DMD: variants seen among roughly 807,000 people sequenced by gnomAD.
The protein encoded by DMD is mutant dystrophin.
Under a neutral mutation model 330.1 loss-of-function variants are expected in DMD, and 63 were observed. The observed-to-expected ratio is 0.19, with a 90% CI of 0.16 to 0.24. The LOEUF is 0.24. Among genes scored for constraint, DMD ranks in the 10% least tolerant of loss-of-function variants. The probability of loss-of-function intolerance (pLI) is 1.00; values close to 1 mark genes in which losing one functional copy is unlikely to be tolerated. For missense variants in DMD, 3,344 were observed against 2,684.1 expected, an observed-to-expected ratio of 1.25 and a Z score of -5.43; for synonymous variants, 1,223 against 959.8, an observed-to-expected ratio of 1.27 and a Z score of -5.07.
rs762841726 is a variant in DMD at position 32,360,613 on chromosome X, C to G, written c.5325+2175G>C. Among the ~76,000 whole-genome samples the G allele has an allele frequency of 1.8e-4, 20 of 109,574 alleles. No homozygotes were observed. In the Admixed American group the frequency reaches 2.0e-3, roughly 11 times the overall value. On this transcript the variant is annotated intron_variant, in intron 37 of 78. Coordinates refer to ENST00000357033, the MANE Select transcript of DMD (RefSeq NM_004006.3). ...GACCAGCCTGGCCAACGTGGTGAAACCCCGTCTCTGCCAAAATACAAAAAT... is the reference window on the plus strand; with the variant it reads ...GACCAGCCTGGCCAACGTGGTGAAAGCCCGTCTCTGCCAAAATACAAAAAT...
intron 44 of DMD, among the ~76,000 whole-genome samples, chrX:32,002,301 T>G (rs1569529956): frequency 8.9e-6 from 1 of 111,938 alleles, no homozygotes; most frequent in Non-Finnish European, 1.9e-5. Context: ...TATAAGTGTC[T>G]GCAAAAATAA....
intron 15 of DMD, among the ~76,000 whole-genome samples, chrX:32,569,661 G>A (rs1445526613): frequency 1.8e-5 from 2 of 111,611 alleles, no homozygotes; most frequent in African/African-American, 6.5e-5. Context: ...TGAGGTAAAG[G>A]TAGCAAGTCA....
intron 7 of DMD, among the ~76,000 whole-genome samples, chrX:32,725,228 C>G (rs996073380): frequency 9.9e-5 from 11 of 111,105 alleles, no homozygotes; most frequent in Middle Eastern, 4.6e-3. Context: ...CTAGATTTGA[C>G]AGTATGGCTT....
rs377615262 is a variant in DMD at position 32,132,993 on chromosome X, C to CTTT, written c.6438+83920_6438+83922dup. Among the ~76,000 whole-genome samples the CTTT allele has an allele frequency of 6.2e-4, 47 of 75,943 alleles. 2 individuals are homozygous for CTTT. The highest frequency in any genetic ancestry group is 2.3e-3 in the African/African-American group (34 of 14,523). 65.9% of individuals were successfully genotyped at this position (75,943 alleles called of 115,157 possible). On this transcript the variant is annotated intron_variant, in intron 44 of 78. Transcript: ENST00000357033. ...TCTCATTGATCACTCCTTTTCTTTT[C>CTTT]TTTTTTTTTTTTTTTTTTTTTTTTT...
chrX:32,807,639 C>A (rs993139530), intron 7 of DMD, among the ~76,000 whole-genome samples: 3 of 111,029 alleles, frequency 2.7e-5, no homozygotes, highest in African/African-American at 9.8e-5. Context: ...ATTCATGTAC[C>A]TGCCTTTTTC....
intron 2 of DMD, among the ~76,000 whole-genome samples, chrX:33,017,479 C>T (rs771825521): frequency 9.2e-6 from 1 of 109,252 alleles, no homozygotes; most frequent in South Asian, 3.8e-4. Flanking sequence ...GTCTAATTTA[C>T]CACACAGACA....
At chrX:32,786,084 AGAGT>A (rs1414581979) in intron 7 of DMD, among the ~76,000 whole-genome samples, 2 of 81,829 alleles carry the variant, frequency 2.4e-5, no homozygotes, top group Non-Finnish European at 4.5e-5. Context: ...AGGAGGAATA[AGAGT>A]GTGTGTGTGT....
intron 43 of DMD, among the ~76,000 whole-genome samples, chrX:32,273,616 C>T (rs368370205): frequency 2.1e-4 from 23 of 109,947 alleles, no homozygotes; most frequent in African/African-American, 6.3e-4. Flanking sequence ...GCCAATGAAG[C>T]GTAAGTGGAA....
At chrX:31,965,456 G>C (rs2095342753) in intron 45 of DMD, among the ~76,000 whole-genome samples, 1 of 111,919 alleles carries the variant, frequency 8.9e-6, no homozygotes, top group South Asian at 3.7e-4. Flanking sequence ...ACTGTAATGA[G>C]ATGTGTACAT....
chrX:31,562,658 T>G (rs969099711), intron 55 of DMD, among the ~76,000 whole-genome samples: 1 of 112,333 alleles, frequency 8.9e-6, no homozygotes, highest in Non-Finnish European at 1.9e-5. Flanking sequence ...TAAAAAATAT[T>G]AATTTAATTA....
chrX:32,697,263 A>G lies in DMD; in HGVS notation c.960+607T>C, dbSNP rs1014626901. 5.4e-5 allele frequency among the ~76,000 whole-genome samples: 6 copies of G among 111,835 alleles called. No homozygotes were observed. The Admixed American group carries it at 5.7e-4, about 11-fold the overall frequency. Reference sequence around the variant, plus strand: ...GAAAACTCCACTGAGTCTTCCTCATATAGAAAGTACTAAACATTGCCGAGA... The same window carrying G: ...GAAAACTCCACTGAGTCTTCCTCATGTAGAAAGTACTAAACATTGCCGAGA... On this transcript the variant is annotated intron_variant, in intron 9 of 78. Coordinates refer to ENST00000357033, the MANE Select transcript of DMD (RefSeq NM_004006.3).
intron 55 of DMD, among the ~76,000 whole-genome samples, chrX:31,570,691 T>A (rs1373903652): frequency 1.4e-4 from 1 of 7,405 alleles, no homozygotes; most frequent in Non-Finnish European, 1.8e-4. Context: ...TTGTTTATCT[T>A]ATGTTATTAA....
intron 44 of DMD, among the ~76,000 whole-genome samples, chrX:32,197,213 T>C (rs745589161): frequency 9.1e-6 from 1 of 110,445 alleles, no homozygotes; most frequent in South Asian, 3.9e-4. Flanking sequence ...TATATATTTG[T>C]AGGGTACATG....
intron 44 of DMD, among the ~76,000 whole-genome samples, chrX:31,986,119 CACT>C (rs1403950352): frequency 9.0e-6 from 1 of 111,451 alleles, no homozygotes; most frequent in East Asian, 2.8e-4. Flanking sequence ...CAAGGATGTT[CACT>C]GCAGTGACCA....
chrX:32,789,487 C>T (rs900455115), intron 7 of DMD, among the ~76,000 whole-genome samples: 1 of 112,079 alleles, frequency 8.9e-6, no homozygotes, highest in African/African-American at 3.2e-5. Context: ...GCTGATGTCA[C>T]AGCCCGTCCT....
In DMD at chrX:32,154,175, G is replaced by A. The variant is rs1229309503; in HGVS notation, c.6438+62741C>T. Among the ~76,000 whole-genome samples the A allele has an allele frequency of 2.7e-5, 3 of 111,826 alleles. No individual in the cohort carries two copies. In the Admixed American group the frequency reaches 2.8e-4, roughly 11 times the overall value. ...TATTAAAACACAGCATACACCATAA[G>A]TGATGCATTTACTTCAAAGCAGAGG... On this transcript the variant is annotated intron_variant, in intron 44 of 78. Transcript: ENST00000357033.
chrX:32,517,882 G>T, intron 18 of DMD, 126 bp downstream of exon 18: 1 of 767,192 alleles, frequency 1.3e-6, no homozygotes, highest in Non-Finnish European at 2.0e-6. Flanking sequence ...ATATTTTTAA[G>T]ACATATTAAA....
intron 1 of DMD, among the ~76,000 whole-genome samples, chrX:33,040,332 C>T (rs754987100): frequency 3.6e-4 from 40 of 110,613 alleles, no homozygotes; most frequent in African/African-American, 1.3e-3. Context: ...CCATGGGACC[C>T]GCCTGTTCAG....
intron 20 of DMD, among the ~76,000 whole-genome samples, chrX:32,486,220 C>T (rs927326624): frequency 9.0e-6 from 1 of 110,954 alleles, no homozygotes; most frequent in African/African-American, 3.3e-5. Flanking sequence ...GTGGCTGGTC[C>T]AAATTTAGAT....
Sources: allele counts gnomAD v4.1 joint callset (sites outside exome capture counted in the v4.1 genomes callset), GRCh38; gene constraint gnomAD v4.1.1; transcripts MANE v1.5; gene names NCBI Gene and HGNC (gene_info 2026-07-23, HGNC 2026-07-21).